Variants in MYH14 observed in about 807,000 individuals in gnomAD.
The protein encoded by MYH14 is myosin-14.
A neutral mutation model predicts 255.5 loss-of-function variants in MYH14; 123 were observed. The ratio of observed to expected loss-of-function variants is 0.48; its 90% CI spans 0.42 to 0.56. MYH14 has a LOEUF of 0.56. Among genes scored for constraint, MYH14 ranks in the 20% least tolerant of loss-of-function variants. The pLI, the probability that MYH14 is intolerant of heterozygous loss-of-function variation, is 0.00. For synonymous variants in MYH14, 1,095 were observed against 1,161.2 expected, an observed-to-expected ratio of 0.94 and a Z score of 1.16; for missense variants, 2,423 against 2,802.3, an observed-to-expected ratio of 0.86 and a Z score of 3.06.
rs757184384 is a variant in MYH14, at chr19:50,276,838, G to C, written c.3762G>C (p.Glu1254Asp). The change falls in exon 29 of 43, where the codon GAG becomes GAC. Residue 1254 changes from glutamate to aspartate, a missense_variant. This residue lies in a region of MYH14 where 1,513 missense variants were observed against 1,674.8 expected (regional missense o/e 0.90). Coordinates refer to ENST00000642316, the MANE Select transcript of MYH14 (RefSeq NM_001145809.2). This position sits in a 1 kb window ranked among gnomAD's most constrained non-coding sequence, Gnocchi z 4.3. ...ETRIHEAAVQ[E>D]LRQRHGQALG... Reference sequence around the variant, plus strand: ...GCATCCACGAGGCGGCAGTGCAGGAGCTGAGGCAGCGCCACGGCCAGGCCC... The same window carrying C: ...GCATCCACGAGGCGGCAGTGCAGGACCTGAGGCAGCGCCACGGCCAGGCCC... 6 of 1,612,624 alleles carry C rather than the reference G, an allele frequency of 3.7e-6. No homozygotes were observed. Among genetic ancestry groups the C allele is most frequent in the Non-Finnish European group, 4.2e-6 (5 of 1,179,862 alleles).
chr19:50,252,775 C>G lies in MYH14; in HGVS notation c.1945+22C>G. 6.6e-7 allele frequency: 1 copy of G among 1,521,372 alleles called. No individual in the cohort carries two copies. 94.2% of individuals were successfully genotyped at this position (1,521,372 alleles called of 1,614,324 possible). A position where few individuals can be genotyped will look rare whatever the true frequency, so the allele number is the denominator to read the frequency against. On this transcript the variant is annotated intron_variant, in intron 16 of 42. Coordinates refer to ENST00000642316, the MANE Select transcript of MYH14 (RefSeq NM_001145809.2). The surrounding 1 kb of genome is among the most constrained non-coding windows in gnomAD (Gnocchi z 4.2). The stretch of plus-strand genomic sequence containing the variant: ...GACGGTGAGGACCCACTTCCCCCAC[C>G]CCGGCTCTAGGGGTCTGTGCGGCCA...
At chr19:50,304,040 G>A (rs2036577931) in intron 40 of MYH14, among the ~76,000 whole-genome samples, 1 of 152,110 alleles carries the variant, frequency 6.6e-6, no homozygotes, top group Non-Finnish European at 1.5e-5. Flanking sequence ...ATTTATTGAG[G>A]ATTTACTATA....
Position 50,252,768 on chromosome 19 carries a change from C to G in MYH14, c.1945+15C>G. ...CTGGAAAGACGGTGAGGACCCACTT[C>G]CCCCACCCCGGCTCTAGGGGTCTGT... On this transcript the variant is annotated intron_variant, in intron 16 of 42. Coordinates refer to ENST00000642316, the MANE Select transcript of MYH14 (RefSeq NM_001145809.2). The surrounding 1 kb of genome is among the most constrained non-coding windows in gnomAD (Gnocchi z 4.2). 1 of 1,537,234 alleles carries G rather than the reference C, an allele frequency of 6.5e-7. No homozygotes were observed. The highest frequency in any genetic ancestry group is 1.2e-5 in the South Asian group (1 of 84,542).
chr19:50,255,467 G>C, intron 17 of MYH14, 149 bp downstream of exon 17: 1 of 650,108 alleles, frequency 1.5e-6, no homozygotes. Context: ...GGCTCCCTTG[G>C]AAGTTTCCAG....
chr19:50,244,149 C>A, intron 10 of MYH14, 93 bp from the exon 11 acceptor site: 1 of 1,075,942 alleles, frequency 9.3e-7, no homozygotes, highest in Non-Finnish European at 1.4e-6. Flanking sequence ...ATATAATTTG[C>A]CTTAAGCTTT....
chr19:50,293,493 T>A lies in MYH14; in HGVS notation c.5346-71T>A. The A allele has an allele frequency of 6.3e-7, 1 of 1,594,162 alleles. No homozygotes were observed. The highest frequency in any genetic ancestry group is 1.3e-5 in the African/African-American group (1 of 74,652). On this transcript the variant is annotated intron_variant, in intron 38 of 42. Transcript: ENST00000642316. The surrounding 1 kb of genome is among the most constrained non-coding windows in gnomAD (Gnocchi z 4.1). ...ATGCGTGGGGCTAACCACAGGGTCC[T>A]GTAGTGTGAGGCAAGGCACCCTCCT...
At position 50,249,678 on chromosome 19, in the gene MYH14, A is replaced by G; in HGVS notation, c.1511A>G (p.Asn504Ser). 3 of 1,614,014 alleles carry G rather than the reference A, an allele frequency of 1.9e-6. No individual in the cohort carries two copies. Among genetic ancestry groups the G allele is most frequent in the Non-Finnish European group, 2.5e-6 (3 of 1,180,026 alleles). ...AACTCCTTCGAGCAGCTCTGCATCA[A>G]CTACACCAACGAGAAGCTGCAGCAG... ...QLNSFEQLCI[N>S]YTNEKLQQLF... Residue 504 changes from asparagine (N) to serine (S), a missense_variant, in exon 14 of 43, where the codon AAC becomes AGC. By Grantham distance (46) the Asn-to-Ser change is conservative (BLOSUM62 1). Transcript: ENST00000642316.
chr19:50,279,276 T>G (rs2035625566), intron 30 of MYH14, among the ~76,000 whole-genome samples: 1 of 152,194 alleles, frequency 6.6e-6, no homozygotes. Flanking sequence ...TTACTTAACA[T>G]AACGGTTTCA....
intron 35 of MYH14, among the ~76,000 whole-genome samples, chr19:50,289,952 A>C (rs1435135629): frequency 6.6e-6 from 1 of 152,050 alleles, no homozygotes; most frequent in Non-Finnish European, 1.5e-5. Flanking sequence ...GCCATGACCC[A>C]TTAACCCACA....
intron 34 of MYH14, among the ~76,000 whole-genome samples, chr19:50,288,032 C>G (rs181672087): frequency 6.6e-6 from 1 of 152,136 alleles, no homozygotes; most frequent in Non-Finnish European, 1.5e-5. Flanking sequence ...GGTGGTGCCC[C>G]AAGGCTTCTC....
chr19:50,301,071 G>T (rs987756853), intron 39 of MYH14, among the ~76,000 whole-genome samples: 27 of 152,166 alleles, frequency 1.8e-4, no homozygotes, highest in African/African-American at 6.3e-4. Flanking sequence ...CCAGCAGAAG[G>T]CCTCGCTCAG....
At chr19:50,285,192 G>C (rs1440099871) in intron 33 of MYH14, 1 of 152,080 alleles carries the variant, frequency 6.6e-6, no homozygotes, top group Non-Finnish European at 1.5e-5. Flanking sequence ...CACTGCACCA[G>C]CCTTTTCTTC....
chr19:50,211,315 C>A lies in MYH14; in HGVS notation c.405+545C>A, dbSNP rs189228642. Among the ~76,000 whole-genome samples, 494 of 152,202 alleles carry A rather than the reference C, an allele frequency of 3.2e-3. 2 individuals carry two copies. Among genetic ancestry groups the A allele is most frequent in the African/African-American group, 0.012 (478 of 41,514 alleles). On this transcript the variant is annotated intron_variant, in intron 2 of 42. Transcript: ENST00000642316. ...TACCACTGCACTCCAGCCTGGGTGACAGCACAAGACCCTGTCTCAAAAAAA... is the reference window on the plus strand; with the variant it reads ...TACCACTGCACTCCAGCCTGGGTGAAAGCACAAGACCCTGTCTCAAAAAAA...
intron 39 of MYH14, among the ~76,000 whole-genome samples, chr19:50,298,437 G>A (rs11673285): frequency 0.67 from 101,071 of 151,434 alleles, 35,961 homozygotes; most frequent in East Asian, 0.99. Context: ...AAGTATATAC[G>A]CAAAGCAATA....
intron 15 of MYH14, among the ~76,000 whole-genome samples, chr19:50,251,139 G>T (rs2034354532): frequency 6.6e-6 from 1 of 152,136 alleles, no homozygotes; most frequent in South Asian, 2.1e-4. Context: ...TAGTGTCAGA[G>T]CCCAGAAGAG....
chr19:50,209,783 CAAAAA>C (rs1209985827), intron 1 of MYH14, among the ~76,000 whole-genome samples: 2 of 65,638 alleles, frequency 3.0e-5, no homozygotes, highest in Non-Finnish European at 3.1e-5. Context: ...GACTCCATCT[CAAAAA>C]AAAAAAAAAA....
In MYH14 at chr19:50,266,749, G is replaced by C; in HGVS notation, c.2695-128G>C. ...TCTAGGCCTGTGACCAGGGACTGTT[G>C]CCAAGGCGGGGACACACAGCTAATA... is the stretch of plus-strand genomic sequence containing the variant. On this transcript the variant is annotated intron_variant, in intron 22 of 42. Coordinates refer to ENST00000642316, the MANE Select transcript of MYH14 (RefSeq NM_001145809.2). This position sits in a 1 kb window ranked among gnomAD's most constrained non-coding sequence, Gnocchi z 4.1. The C allele has an allele frequency of 8.0e-7, 1 of 1,254,436 alleles. No homozygotes were observed. The highest frequency in any genetic ancestry group is 1.1e-6 in the Non-Finnish European group (1 of 895,846). 77.7% of individuals were successfully genotyped at this position (1,254,436 alleles called of 1,614,324 possible). A position where few individuals can be genotyped will look rare whatever the true frequency, so the allele number is the denominator to read the frequency against.
chr19:50,219,406 G>C (rs1489342615), intron 3 of MYH14, among the ~76,000 whole-genome samples: 2 of 151,988 alleles, frequency 1.3e-5, no homozygotes, highest in Non-Finnish European at 2.9e-5. Flanking sequence ...TGTTGGTGTG[G>C]ATACGGTGAA....
At chr19:50,241,230 A>AT (rs1161575747) in intron 10 of MYH14, among the ~76,000 whole-genome samples, 1 of 152,072 alleles carries the variant, frequency 6.6e-6, no homozygotes, top group Non-Finnish European at 1.5e-5. Context: ...AGGTCAAGAG[A>AT]TTGAGACCAT....
Sources: gnomAD v4.1 joint callset for allele counts (sites outside exome capture counted in the v4.1 genomes callset) on GRCh38, gnomAD v4.1.1 for gene constraint, gnomAD v4.1.1 regional missense constraint, Gnocchi (gnomAD v3.1) non-coding constraint, MANE v1.5 for transcripts, NCBI Gene and HGNC (gene_info 2026-07-23, HGNC 2026-07-21) for gene names.